Variants in PTPRZ1 observed in about 807,000 individuals in gnomAD.
PTPRZ1 encodes the protein receptor-type tyrosine-protein phosphatase zeta.
In PTPRZ1, 82 loss-of-function variants were observed where a neutral mutation model predicts 214.1. That is an observed-to-expected ratio of 0.38 (90% CI 0.32 to 0.46). The LOEUF is 0.46. PTPRZ1 is among the 20% of genes least tolerant of loss of function. The probability of loss-of-function intolerance (pLI) is 1.00; values close to 1 mark genes in which losing one functional copy is unlikely to be tolerated. For synonymous variants in PTPRZ1, 945 were observed against 987.9 expected (o/e 0.96, Z 0.81); for missense variants, 2,603 against 2,748.7 (o/e 0.95, Z 1.19).
chr7:121,938,743 C>T (rs1240120030), intron 2 of PTPRZ1, among the ~76,000 whole-genome samples: 5 of 128,688 alleles, frequency 3.9e-5, no homozygotes, highest in South Asian at 5.5e-4. Context: ...TAAAAAAGGA[C>T]GGGGTGGGGG....
At chr7:121,912,576 G>A (rs1206489) in intron 1 of PTPRZ1, among the ~76,000 whole-genome samples, 3,132 of 152,218 alleles carry the variant, frequency 0.021, 70 homozygotes, top group African/African-American at 0.05. Context: ...GTAAAGAAGC[G>A]GGTGAGACTA....
chr7:121,997,231 A>C (rs1003746942), intron 9 of PTPRZ1, among the ~76,000 whole-genome samples: 1 of 152,192 alleles, frequency 6.6e-6, no homozygotes, highest in Non-Finnish European at 1.5e-5. Flanking sequence ...TCCCCACTGC[A>C]GGTTAAAGGA....
chr7:122,021,373 T>C (rs908869154), intron 13 of PTPRZ1, among the ~76,000 whole-genome samples: 2 of 152,160 alleles, frequency 1.3e-5, no homozygotes, highest in Non-Finnish European at 2.9e-5. Flanking sequence ...CAATAAGATA[T>C]TTCTTTTTTC....
At chr7:121,877,064 G>A (rs1794083759) in intron 1 of PTPRZ1, among the ~76,000 whole-genome samples, 1 of 152,176 alleles carries the variant, frequency 6.6e-6, no homozygotes, top group South Asian at 2.1e-4. Context: ...TTAAGAAGAT[G>A]AGCCTGTGTT....
At position 121,988,135 on chromosome 7, in the gene PTPRZ1, CCT is replaced by C. The variant is rs1797820946; in HGVS notation, c.928+4019_928+4020del. ...TCTTTTAGTATTCTCATGTAACAAA[CCT>C]GCATATGTGCTCTTCTATCTAAAAT... On this transcript the variant is annotated intron_variant, in intron 8 of 29. Coordinates refer to ENST00000393386, the MANE Select transcript of PTPRZ1 (RefSeq NM_002851.3). Among the ~76,000 whole-genome samples, 3 of 152,130 alleles carry C rather than the reference CCT, an allele frequency of 2.0e-5. No homozygotes were observed. In the South Asian group the frequency reaches 6.2e-4, roughly 31 times the overall value.
intron 10 of PTPRZ1, among the ~76,000 whole-genome samples, chr7:122,001,179 G>A (rs189343765): frequency 2.4e-4 from 37 of 151,824 alleles, no homozygotes; most frequent in South Asian, 4.2e-4. Flanking sequence ...TCAAATTGTC[G>A]TTTAAAAAAA....
chr7:121,995,699 G>A (rs567232601), intron 8 of PTPRZ1, among the ~76,000 whole-genome samples: 3 of 152,160 alleles, frequency 2.0e-5, no homozygotes, highest in South Asian at 2.1e-4. Context: ...TTGTCAGCAC[G>A]TCTGAAAAAT....
chr7:121,982,876 C>A (rs1463974211), intron 6 of PTPRZ1, among the ~76,000 whole-genome samples: 2 of 152,018 alleles, frequency 1.3e-5, no homozygotes, highest in African/African-American at 2.4e-5. Flanking sequence ...CAGGTTCAAG[C>A]GACTCACTCT....
chr7:122,014,429 T>C (rs1057183441), intron 12 of PTPRZ1, among the ~76,000 whole-genome samples: 2 of 151,904 alleles, frequency 1.3e-5, no homozygotes, highest in African/African-American at 4.8e-5. Context: ...TTTATTATTA[T>C]TATTTAATTA....
At chr7:122,060,337 G>A (rs1389491764) in intron 29 of PTPRZ1, among the ~76,000 whole-genome samples, 1 of 152,156 alleles carries the variant, frequency 6.6e-6, no homozygotes, top group African/African-American at 2.4e-5. Flanking sequence ...TGTGCTGCAT[G>A]AAACTCCTTT....
chr7:121,970,670 T>A (rs2116522194), intron 3 of PTPRZ1, among the ~76,000 whole-genome samples: 1 of 152,296 alleles, frequency 6.6e-6, no homozygotes, highest in Non-Finnish European at 1.5e-5. Flanking sequence ...TCTTGTAAAT[T>A]TGTTTAAGTT....
At chr7:121,924,262 T>G (rs1795687227) in intron 1 of PTPRZ1, among the ~76,000 whole-genome samples, 6 of 152,146 alleles carry the variant, frequency 3.9e-5, no homozygotes. Flanking sequence ...GCGTAAGCAC[T>G]TTGATAGATT....
intron 13 of PTPRZ1, among the ~76,000 whole-genome samples, chr7:122,025,728 G>A (rs1799191210): frequency 6.6e-6 from 1 of 152,130 alleles, no homozygotes; most frequent in Non-Finnish European, 1.5e-5. Flanking sequence ...GGAAATGAAA[G>A]GCCATTTCAC....
At chr7:121,975,472 G>A (rs903235230) in intron 4 of PTPRZ1, among the ~76,000 whole-genome samples, 1 of 152,078 alleles carries the variant, frequency 6.6e-6, no homozygotes, top group African/African-American at 2.4e-5. Flanking sequence ...TTGGTGACTC[G>A]CCCAAAGCAG....
At chr7:122,007,360 T>A (rs1042760340) in intron 11 of PTPRZ1, among the ~76,000 whole-genome samples, 9 of 152,080 alleles carry the variant, frequency 5.9e-5, no homozygotes, top group African/African-American at 2.2e-4. Context: ...ACCACACAGA[T>A]GGGGATTTAA....
rs904270707 is a variant in PTPRZ1 at position 121,976,104 on chromosome 7, G to T, written c.457-69G>T. On this transcript the variant is annotated intron_variant, in intron 4 of 29. Coordinates refer to ENST00000393386, the MANE Select transcript of PTPRZ1 (RefSeq NM_002851.3). ...AAAAGATTTTGGAAATACTTAGAATGTAGAATTCTCTTTGCTGATTTTTAT... is the reference window on the plus strand; with the variant it reads ...AAAAGATTTTGGAAATACTTAGAATTTAGAATTCTCTTTGCTGATTTTTAT... 9.4e-6 allele frequency: 10 copies of T among 1,065,404 alleles called. No individual in the cohort carries two copies. In the African/African-American group the frequency reaches 1.5e-4, roughly 16 times the overall value. 66.0% of individuals were successfully genotyped at this position (1,065,404 alleles called of 1,614,324 possible).
chr7:121,900,090 C>T (rs1794913959), intron 1 of PTPRZ1, among the ~76,000 whole-genome samples: 1 of 152,078 alleles, frequency 6.6e-6, no homozygotes, highest in South Asian at 2.1e-4. Flanking sequence ...GGTATTGAAA[C>T]CTGAGAGACA....
chr7:121,990,337 G>A lies in PTPRZ1; in HGVS notation c.929-6045G>A, dbSNP rs186509564. Among the ~76,000 whole-genome samples, 243 of 151,988 alleles carry A rather than the reference G, an allele frequency of 1.6e-3. 1 individual carries two copies. The highest frequency in any genetic ancestry group is 2.6e-3 in the Non-Finnish European group (179 of 67,978). On this transcript the variant is annotated intron_variant, in intron 8 of 29. Coordinates refer to ENST00000393386, the MANE Select transcript of PTPRZ1 (RefSeq NM_002851.3). ...TTCATTTTTTGCATTCACAGCAGGC[G>A]CTCAATAGATTATTTGTGAATTAAT...
At chr7:122,045,947 C>T (rs778217786) in intron 23 of PTPRZ1, among the ~76,000 whole-genome samples, 4 of 151,992 alleles carry the variant, frequency 2.6e-5, no homozygotes, top group African/African-American at 4.8e-5. Context: ...GATATCTATT[C>T]GAGTTTGTCT....
Sources: allele counts gnomAD v4.1 joint callset (sites outside exome capture counted in the v4.1 genomes callset), GRCh38; gene constraint gnomAD v4.1.1; transcripts MANE v1.5; gene names NCBI Gene and HGNC (gene_info 2026-07-23, HGNC 2026-07-21).